Variants in MALRD1 observed in about 807,000 individuals in gnomAD.
MALRD1 encodes MAM and LDL receptor class A domain containing 1.
A neutral mutation model predicts 242.1 loss-of-function variants in MALRD1; 247 were observed. The ratio of observed to expected loss-of-function variants is 1.02; its 90% confidence interval spans 0.92 to 1.13. MALRD1 has a LOEUF of 1.13. MALRD1 is among the 50% of genes most tolerant of loss of function. The pLI is 0.00. For synonymous variants in MALRD1, 995 were observed against 866.6 expected (o/e 1.15, Z -2.60); for missense variants, 2,989 against 2,533.1 (o/e 1.18, Z -3.86).
At chr10:19,570,006 G>C (rs886406498) in intron 33 of MALRD1, among the ~76,000 whole-genome samples, 14 of 151,808 alleles carry the variant, frequency 9.2e-5, no homozygotes, top group Non-Finnish European at 1.0e-4. Flanking sequence ...AAAACTGATT[G>C]TGTGAACAAC....
chr10:19,654,956 G>A (rs1244516754), intron 36 of MALRD1, among the ~76,000 whole-genome samples: 1 of 152,108 alleles, frequency 6.6e-6, no homozygotes, highest in Non-Finnish European at 1.5e-5. Flanking sequence ...TTAAAGAAGT[G>A]CCACATTATT....
At chr10:19,185,033 C>T (rs899897684) in intron 14 of MALRD1, among the ~76,000 whole-genome samples, 1 of 152,152 alleles carries the variant, frequency 6.6e-6, no homozygotes, top group African/African-American at 2.4e-5. Flanking sequence ...TTTTTGTGAA[C>T]AAATACTTTG....
chr10:19,655,530 G>GTATATA lies in MALRD1; in HGVS notation c.6138-36716_6138-36711dup, dbSNP rs56752723. On this transcript the variant is annotated intron_variant, in intron 36 of 39. Transcript: ENST00000454679. ...TGTGTGTACATATATATGTGTGAGT[G>GTATATA]TATATATATATATATATATATATAT... Among the ~76,000 whole-genome samples, 384 of 108,704 alleles carry GTATATA rather than the reference G, an allele frequency of 3.5e-3. 1 individual carries two copies. The highest frequency in any genetic ancestry group is 5.3e-3 in the Non-Finnish European group (273 of 51,590). 71.3% of individuals were successfully genotyped at this position (108,704 alleles called of 152,430 possible).
chr10:19,594,710 AT>A (rs1028076678), intron 33 of MALRD1, among the ~76,000 whole-genome samples: 2 of 152,192 alleles, frequency 1.3e-5, no homozygotes, highest in African/African-American at 2.4e-5. Flanking sequence ...GGAGGCCATT[AT>A]TCTAAATGAA....
intron 18 of MALRD1, among the ~76,000 whole-genome samples, chr10:19,234,325 C>T (rs1392280472): frequency 2.0e-5 from 3 of 152,008 alleles, no homozygotes; most frequent in African/African-American, 4.8e-5. Context: ...AAAATACTCT[C>T]ATCTTTTTTT....
chr10:19,450,174 A>G, intron 28 of MALRD1, 133 bp from the exon 29 acceptor site: 1 of 764,432 alleles, frequency 1.3e-6, no homozygotes. Context: ...CCTTTCACAG[A>G]TTCAGTGCTT....
intron 32 of MALRD1, among the ~76,000 whole-genome samples, chr10:19,559,681 A>T (rs1038219490): frequency 6.6e-6 from 1 of 152,204 alleles, no homozygotes; most frequent in East Asian, 1.9e-4. Flanking sequence ...AGCAAAAGAA[A>T]CTATTATCAG....
chr10:19,472,282 G>A (rs1836534406), intron 29 of MALRD1, among the ~76,000 whole-genome samples: 1 of 151,990 alleles, frequency 6.6e-6, no homozygotes, highest in South Asian at 2.1e-4. Context: ...TCCTTTCAGT[G>A]TGCTGTTGAG....
intron 28 of MALRD1, among the ~76,000 whole-genome samples, chr10:19,418,344 T>A (rs1209941604): frequency 6.6e-6 from 1 of 152,076 alleles, no homozygotes; most frequent in East Asian, 1.9e-4. Flanking sequence ...AAAATAATTT[T>A]AAAAAAAGAT....
At chr10:19,731,419 C>T (rs1564576895) in intron 39 of MALRD1, among the ~76,000 whole-genome samples, 1 of 151,838 alleles carries the variant, frequency 6.6e-6, no homozygotes. Context: ...TTATATTTTA[C>T]TATAGGTATA....
intron 38 of MALRD1, among the ~76,000 whole-genome samples, chr10:19,716,570 C>A (rs1209087287): frequency 6.6e-6 from 1 of 152,194 alleles, no homozygotes; most frequent in Non-Finnish European, 1.5e-5. Flanking sequence ...ATAAATTACC[C>A]AGTCTCAGGT....
chr10:19,320,816 C>G (rs1335057017), intron 21 of MALRD1, among the ~76,000 whole-genome samples: 1 of 152,004 alleles, frequency 6.6e-6, no homozygotes, highest in Non-Finnish European at 1.5e-5. Context: ...TTGCATTTCG[C>G]TAATGACCTG....
chr10:19,445,713 G>A (rs1834935867), intron 28 of MALRD1, among the ~76,000 whole-genome samples: 1 of 152,212 alleles, frequency 6.6e-6, no homozygotes, highest in African/African-American at 2.4e-5. Context: ...CACCCTACTG[G>A]GAGGTGTCTC....
intron 2 of MALRD1, among the ~76,000 whole-genome samples, chr10:19,076,021 A>T (rs375160317): frequency 6.6e-6 from 1 of 152,050 alleles, no homozygotes; most frequent in Admixed American, 6.6e-5. Context: ...CCCCTTAAAC[A>T]CTAATTAATG....
chr10:19,379,132 A>G (rs919257293), intron 26 of MALRD1, among the ~76,000 whole-genome samples: 2 of 152,180 alleles, frequency 1.3e-5, no homozygotes, highest in East Asian at 3.9e-4. Flanking sequence ...ACTGTATACA[A>G]CATGTAGTGA....
At chr10:19,714,299 G>A (rs560723113) in intron 38 of MALRD1, among the ~76,000 whole-genome samples, 3 of 152,262 alleles carry the variant, frequency 2.0e-5, no homozygotes, top group African/African-American at 7.2e-5. Context: ...GTTTTCCTCC[G>A]GAGTAGGGCT....
At chr10:19,621,479 G>T (rs1409809331) in intron 36 of MALRD1, among the ~76,000 whole-genome samples, 2 of 151,356 alleles carry the variant, frequency 1.3e-5, no homozygotes, top group African/African-American at 4.8e-5. Context: ...ATTTTCAAAG[G>T]ATGATATATT....
At chr10:19,050,095 T>C (rs1293367163) in intron 1 of MALRD1, among the ~76,000 whole-genome samples, 1 of 145,390 alleles carries the variant, frequency 6.9e-6, no homozygotes, top group Non-Finnish European at 1.5e-5. Flanking sequence ...TTTTTTTTTT[T>C]TTTTTTTTTT....
chr10:19,542,808 C>T (rs35131635), intron 32 of MALRD1, among the ~76,000 whole-genome samples: 53,972 of 151,906 alleles, frequency 0.36, 10,919 homozygotes, highest in Non-Finnish European at 0.45. Context: ...ATTTTAAAAG[C>T]CTCCAGTACA....
Sources: gnomAD v4.1 joint callset for allele counts (sites outside exome capture counted in the v4.1 genomes callset) on GRCh38, gnomAD v4.1.1 for gene constraint, MANE v1.5 for transcripts, NCBI Gene and HGNC (gene_info 2026-07-23, HGNC 2026-07-21) for gene names.